CNST: variants seen among roughly 807,000 people sequenced by gnomAD.
CNST encodes the protein consortin, connexin sorting protein, also known as consortin.
Under a neutral mutation model 72.4 loss-of-function variants are expected in CNST, and 39 were observed. That is an observed-to-expected ratio of 0.54 (90% CI 0.42 to 0.70). CNST has a LOEUF of 0.70. Ranked by LOEUF, CNST falls within the 30% of genes least tolerant of loss-of-function variation. The probability of loss-of-function intolerance (pLI) is 0.00; values close to 1 mark genes in which losing one functional copy is unlikely to be tolerated. For synonymous variants in CNST, 332 were observed against 320.1 expected (o/e 1.04, Z -0.40); for missense variants, 871 against 868.5 (o/e 1.00, Z -0.04).
chr1:246,587,163 T>A (rs554793144), intron 1 of CNST, among the ~76,000 whole-genome samples: 8 of 152,222 alleles, frequency 5.3e-5, no homozygotes, highest in Non-Finnish European at 1.0e-4. Context: ...GGAGTCTTGC[T>A]ATGTTGCGCA....
chr1:246,643,654 C>T (rs140816914), intron 8 of CNST, among the ~76,000 whole-genome samples: 1 of 152,278 alleles, frequency 6.6e-6, no homozygotes, highest in African/African-American at 2.4e-5. Flanking sequence ...CTGCTAAGTA[C>T]ATTGTATGGA....
At chr1:246,596,739 A>T (rs1485683761) in intron 2 of CNST, among the ~76,000 whole-genome samples, 1 of 152,196 alleles carries the variant, frequency 6.6e-6, no homozygotes, top group East Asian at 1.9e-4. Flanking sequence ...CCACTTAGAC[A>T]TCCTAACCTG....
In CNST at chr1:246,632,017, T is replaced by G. The variant is rs529455009; in HGVS notation, c.616+93T>G. The G allele has an allele frequency of 6.5e-6, 5 of 771,376 alleles. No individual in the cohort carries two copies. The East Asian group carries it at 7.8e-5, about 12-fold the overall frequency. 47.8% of individuals were successfully genotyped at this position (771,376 alleles called of 1,614,324 possible). On this transcript the variant is annotated intron_variant, in intron 4 of 10. Transcript: ENST00000366513. ...GAAGTATATTTTACATGTAATAGAA[T>G]GTACAGATCATATGGTTTCAGTGGT...
At chr1:246,572,516 G>A (rs1483347214) in intron 1 of CNST, among the ~76,000 whole-genome samples, 1 of 36,716 alleles carries the variant, frequency 2.7e-5, no homozygotes, top group East Asian at 9.4e-4. Context: ...TTGTGAAAAT[G>A]TGTGTGGTTT....
chr1:246,610,106 C>T (rs752790685), intron 2 of CNST, among the ~76,000 whole-genome samples: 33 of 151,956 alleles, frequency 2.2e-4, no homozygotes, highest in Non-Finnish European at 3.8e-4. Context: ...GATGGTGAAA[C>T]CCCATCTCTA....
intron 8 of CNST, 25 bp downstream of exon 8, chr1:246,642,062 A>C (rs1665735140): frequency 6.4e-6 from 9 of 1,410,276 alleles, no homozygotes; most frequent in Non-Finnish European, 8.9e-6. Context: ...TAAGCTATGG[A>C]GCAACGTAAA....
chr1:246,664,593 A>ATT (rs1214619724), intron 10 of CNST, among the ~76,000 whole-genome samples: 7 of 151,678 alleles, frequency 4.6e-5, no homozygotes. Flanking sequence ...CGCCCAGCTG[A>ATT]TTTTTTATAT....
chr1:246,627,017 T>C (rs1664484027), intron 3 of CNST, among the ~76,000 whole-genome samples: 1 of 152,202 alleles, frequency 6.6e-6, no homozygotes, highest in Non-Finnish European at 1.5e-5. Context: ...CTTCAAAATA[T>C]ACCCAGAACT....
At chr1:246,607,145 A>C (rs1662907065) in intron 2 of CNST, 1 of 152,046 alleles carries the variant, frequency 6.6e-6, no homozygotes, top group Non-Finnish European at 1.5e-5. Flanking sequence ...GGGTTTTATC[A>C]GTCCACTTGC....
In CNST at chr1:246,647,264, G is replaced by T. The variant is rs1276134686; in HGVS notation, c.1063G>T (p.Ala355Ser). The change falls in exon 9 of 11, where the codon GCA (alanine) becomes TCA (serine). Residue 355 changes from alanine to serine, a missense_variant. Transcript: ENST00000366513. ...QTDSPSLSVT[A>S]GKDHMEELLC... ...AGATTCCCCAAGCCTTTCGGTAACT[G>T]CAGGAAAGGACCACATGGAGGAGCT... 6.2e-7 allele frequency: 1 copy of T among 1,614,160 alleles called. No homozygotes were observed. The highest frequency in any genetic ancestry group is 8.5e-7 in the Non-Finnish European group (1 of 1,180,036).
intron 1 of CNST, among the ~76,000 whole-genome samples, chr1:246,575,238 G>C (rs1306271198): frequency 2.0e-5 from 3 of 152,008 alleles, no homozygotes; most frequent in African/African-American, 2.4e-5. Context: ...CTGACCTTTT[G>C]TCAAGTGTTC....
chr1:246,580,948 AG>A (rs1289149270), intron 1 of CNST, among the ~76,000 whole-genome samples: 1 of 152,148 alleles, frequency 6.6e-6, no homozygotes, highest in Non-Finnish European at 1.5e-5. Context: ...CATGTTGGCC[AG>A]GCTGGTCTTG....
At chr1:246,572,094 C>T (rs936234516) in intron 1 of CNST, among the ~76,000 whole-genome samples, 1 of 152,052 alleles carries the variant, frequency 6.6e-6, no homozygotes, top group South Asian at 2.1e-4. Context: ...ACAGCCATGC[C>T]TGGGACTCAC....
chr1:246,613,682 T>TCTCC (rs1663490766), intron 2 of CNST, among the ~76,000 whole-genome samples: 1 of 40,812 alleles, frequency 2.5e-5, no homozygotes, highest in East Asian at 9.5e-4. Context: ...CCTCTCCTCC[T>TCTCC]CTCTCCCTCT....
intron 8 of CNST, among the ~76,000 whole-genome samples, chr1:246,642,454 T>C (rs1333968475): frequency 2.6e-5 from 4 of 152,082 alleles, no homozygotes; most frequent in African/African-American, 4.8e-5. Context: ...AATTTAGATA[T>C]TTTAAACTCT....
At chr1:246,628,830 C>G (rs3129543) in intron 3 of CNST, among the ~76,000 whole-genome samples, 137,443 of 152,150 alleles carry the variant, frequency 0.9, 62,095 homozygotes, top group South Asian at 0.93. Flanking sequence ...TTTTTTAGAG[C>G]GTTCCTGATT....
chr1:246,621,585 G>A lies in CNST; in HGVS notation c.536G>A (p.Gly179Asp). The A allele has an allele frequency of 5.0e-6, 8 of 1,614,182 alleles. No individual in the cohort carries two copies. Among genetic ancestry groups the A allele is most frequent in the Non-Finnish European group, 5.9e-6 (7 of 1,180,008 alleles). ...CAGTCTCTGTTTTCACTTATACGAG[G>A]TGAAGTTGAGCAGTTGGATTCAAGA... ...VLQSLFSLIRGEVEQLDSRAL... is the reference protein window; with the variant it reads ...VLQSLFSLIRDEVEQLDSRAL... Residue 179 changes from glycine to aspartate, a missense_variant, in exon 3 of 11, where the codon GGT becomes GAT. By Grantham distance (94) the Gly-to-Asp change is moderately conservative. Transcript: ENST00000366513.
intron 2 of CNST, among the ~76,000 whole-genome samples, chr1:246,616,002 G>A (rs1663664411): frequency 6.6e-6 from 1 of 152,152 alleles, no homozygotes; most frequent in African/African-American, 2.4e-5. Flanking sequence ...GCCTGTTACT[G>A]TCTTTAAATA....
chr1:246,629,289 T>C (rs376069299), intron 3 of CNST, among the ~76,000 whole-genome samples: 1 of 152,190 alleles, frequency 6.6e-6, no homozygotes, highest in Non-Finnish European at 1.5e-5. Context: ...TTTAGAAATA[T>C]GCTTTAAAAA....
Sources: gnomAD v4.1 joint callset for allele counts (sites outside exome capture counted in the v4.1 genomes callset) on GRCh38, gnomAD v4.1.1 for gene constraint, MANE v1.5 for transcripts, NCBI Gene and HGNC (gene_info 2026-07-23, HGNC 2026-07-21) for gene names.